The following BCKDHB variants were observed in gnomAD, a reference collection of about 807,000 sequenced individuals.
The protein encoded by BCKDHB is branched chain keto acid dehydrogenase E1 subunit beta.
Under a neutral mutation model 48.5 loss-of-function variants are expected in BCKDHB, and 41 were observed. The ratio of observed to expected loss-of-function variants is 0.85; its 90% CI spans 0.66 to 1.10. BCKDHB has a LOEUF of 1.10. BCKDHB is among the 50% of genes least tolerant of loss of function. The probability of loss-of-function intolerance (pLI) is 0.00; values close to 1 mark genes in which losing one functional copy is unlikely to be tolerated. For synonymous variants in BCKDHB, 201 were observed against 174.8 expected (o/e 1.15, Z -1.18); for missense variants, 496 against 494.2 (o/e 1.00, Z -0.03).
At chr6:80,418,920 G>A in the BCKDHB span, among the ~76,000 whole-genome samples, 1 of 152,228 alleles carries the variant, frequency 6.6e-6, no homozygotes, top group African/African-American at 2.4e-5. Flanking sequence ...TGGAGGCGAT[G>A]TTGGCTCCAG....
intron 8 of BCKDHB, among the ~76,000 whole-genome samples, chr6:80,267,606 A>G (rs1650879029): frequency 6.6e-6 from 1 of 152,108 alleles, no homozygotes; most frequent in African/African-American, 2.4e-5. Context: ...TAGAGGGACT[A>G]TTAGAAAGCA....
At chr6:80,414,816 G>A in the BCKDHB span, among the ~76,000 whole-genome samples, 1 of 152,060 alleles carries the variant, frequency 6.6e-6, no homozygotes, top group African/African-American at 2.4e-5. Flanking sequence ...TTTAATAGGA[G>A]TAGCATTGAA....
intron 9 of BCKDHB, among the ~76,000 whole-genome samples, chr6:80,296,419 T>C (rs1384036559): frequency 1.3e-5 from 2 of 152,206 alleles, no homozygotes; most frequent in African/African-American, 4.8e-5. Flanking sequence ...ATTGGAATTG[T>C]AGGAGTTTCC....
intron 8 of BCKDHB, among the ~76,000 whole-genome samples, chr6:80,260,435 A>G (rs1297987412): frequency 6.6e-6 from 1 of 152,172 alleles, no homozygotes; most frequent in Admixed American, 6.5e-5. Flanking sequence ...TTCCAGTAGT[A>G]TATAAACACA....
rs114599420 is a variant in BCKDHB at position 80,211,415 on chromosome 6, G to A, written c.951+8203G>A. On this transcript the variant is annotated intron_variant, in intron 8 of 9. Coordinates refer to ENST00000320393, the MANE Select transcript of BCKDHB (RefSeq NM_183050.4). The stretch of plus-strand genomic sequence containing the variant: ...CAAAATCTGACCACTGCTTGATCCT[G>A]CTGCAGACTACTAGCATTTCTCTCC... Among the ~76,000 whole-genome samples the A allele has an allele frequency of 4.8e-3, 727 of 152,252 alleles. 2 individuals carry two copies. The highest frequency in any genetic ancestry group is 0.016 in the African/African-American group (680 of 41,558).
chr6:80,287,034 G>C (rs3805885), intron 9 of BCKDHB, among the ~76,000 whole-genome samples: 56,839 of 151,908 alleles, frequency 0.37, 12,643 homozygotes, highest in Admixed American at 0.56. Flanking sequence ...TTCTATGTCA[G>C]GCCAAAGGGA....
At chr6:80,108,852 C>G (rs1403215083) in intron 1 of BCKDHB, among the ~76,000 whole-genome samples, 1 of 152,160 alleles carries the variant, frequency 6.6e-6, no homozygotes, top group Non-Finnish European at 1.5e-5. Context: ...GAGCAAGACT[C>G]TGTCTCAAAA....
At chr6:80,246,762 A>C (rs1228541330) in intron 8 of BCKDHB, among the ~76,000 whole-genome samples, 1 of 152,054 alleles carries the variant, frequency 6.6e-6, no homozygotes, top group East Asian at 1.9e-4. Context: ...ACACCCCCTT[A>C]GTCTTTCTGA....
At chr6:80,447,313 C>T in the BCKDHB span, among the ~76,000 whole-genome samples, 1 of 151,920 alleles carries the variant, frequency 6.6e-6, no homozygotes, top group Non-Finnish European at 1.5e-5. Context: ...TTTTTTGCTA[C>T]CTTTTTTTGT....
At chr6:80,196,325 ATACTCTC>A (rs1774126100) in intron 6 of BCKDHB, among the ~76,000 whole-genome samples, 1 of 152,116 alleles carries the variant, frequency 6.6e-6, no homozygotes, top group Admixed American at 6.5e-5. Flanking sequence ...TTTATGGAAT[ATACTCTC>A]TATTTTTCTT....
intron 8 of BCKDHB, among the ~76,000 whole-genome samples, chr6:80,206,471 G>A (rs1774665278): frequency 6.6e-6 from 1 of 151,860 alleles, no homozygotes; most frequent in South Asian, 2.1e-4. Flanking sequence ...CATCTTGATT[G>A]TTATGCTTAG....
chr6:80,244,880 C>G (rs1776543949), intron 8 of BCKDHB, among the ~76,000 whole-genome samples: 1 of 152,074 alleles, frequency 6.6e-6, no homozygotes, highest in South Asian at 2.1e-4. Flanking sequence ...ATATGCTGAC[C>G]AAAGGCAGTA....
intron 9 of BCKDHB, among the ~76,000 whole-genome samples, chr6:80,324,491 A>G (rs1768927921): frequency 6.6e-6 from 1 of 152,098 alleles, no homozygotes; most frequent in Non-Finnish European, 1.5e-5. Context: ...ACTGTAACTT[A>G]AGGAATTAGC....
At chr6:80,384,545 G>A in the BCKDHB span, among the ~76,000 whole-genome samples, 1 of 152,012 alleles carries the variant, frequency 6.6e-6, no homozygotes, top group East Asian at 1.9e-4. Context: ...TTTTAATAGA[G>A]ATGGAGTTTC....
At chr6:80,395,839 G>A in the BCKDHB span, among the ~76,000 whole-genome samples, 14 of 152,294 alleles carry the variant, frequency 9.2e-5, no homozygotes, top group South Asian at 8.3e-4. Context: ...GCCTTAGAAC[G>A]TGGTGCCCTG....
intron 3 of BCKDHB, among the ~76,000 whole-genome samples, chr6:80,155,023 T>C (rs973895579): frequency 6.6e-6 from 1 of 152,180 alleles, no homozygotes; most frequent in Non-Finnish European, 1.5e-5. Context: ...GTGTTAACAG[T>C]GCTATCTTGA....
In BCKDHB at chr6:80,270,656, T is replaced by G. The variant is rs537132040; in HGVS notation, c.952-2479T>G. ...TGCACATACAGAGGTGTTGAAGAAC[T>G]TGAACTTGTCTGATGCCAGTAGTTT... is the stretch of plus-strand genomic sequence containing the variant. On this transcript the variant is annotated intron_variant, in intron 8 of 9. Transcript: ENST00000320393. Among the ~76,000 whole-genome samples the G allele has an allele frequency of 7.2e-5, 11 of 152,262 alleles. 1 individual carries two copies. The highest frequency in any genetic ancestry group is 2.6e-4 in the African/African-American group (11 of 41,556).
At chr6:80,378,540 G>T in the BCKDHB span, among the ~76,000 whole-genome samples, 1 of 152,000 alleles carries the variant, frequency 6.6e-6, no homozygotes. Flanking sequence ...ACCAACCCTT[G>T]GTAATCACTT....
intron 6 of BCKDHB, among the ~76,000 whole-genome samples, chr6:80,196,412 C>T (rs998092271): frequency 5.3e-5 from 8 of 152,168 alleles, no homozygotes; most frequent in Admixed American, 2.6e-4. Context: ...TCCCTGTAAC[C>T]GAGTTGTTGC....
Sources: allele counts gnomAD v4.1 joint callset (sites outside exome capture counted in the v4.1 genomes callset), GRCh38; gene constraint gnomAD v4.1.1; transcripts MANE v1.5; gene names NCBI Gene and HGNC (gene_info 2026-07-23, HGNC 2026-07-21).